Variants in ARFGEF1 observed in about 807,000 individuals in gnomAD.
The protein encoded by ARFGEF1 is brefeldin A-inhibited guanine nucleotide-exchange protein 1.
ARFGEF1 carries 42 observed loss-of-function variants against 231.0 expected under a neutral mutation model. The observed-to-expected ratio is 0.18, with a 90% confidence interval of 0.14 to 0.24. The LOEUF is 0.24. ARFGEF1 is among the 10% of genes least tolerant of loss of function. The pLI, the probability that ARFGEF1 is intolerant of heterozygous loss-of-function variation, is 1.00. For missense variants in ARFGEF1, 1,345 were observed against 2,192.0 expected, an observed-to-expected ratio of 0.61 and a Z score of 7.72; for synonymous variants, 710 against 732.3, an observed-to-expected ratio of 0.97 and a Z score of 0.49.
rs142292202 is a variant in ARFGEF1 at position 67,285,769 on chromosome 8, T to C, written c.1027+2186A>G. On this transcript the variant is annotated intron_variant, in intron 7 of 38. Transcript: ENST00000262215. ...GTATTTTTGCCAAATATATTTAATC[T>C]AAACTAATCATGTAGATGACAATCT... Among the ~76,000 whole-genome samples the C allele has an allele frequency of 4.4e-3, 674 of 152,282 alleles. 9 individuals carry two copies. The highest frequency in any genetic ancestry group is 0.015 in the African/African-American group (641 of 41,540).
At chr8:67,284,625 CAA>C (rs1322445920) in intron 7 of ARFGEF1, among the ~76,000 whole-genome samples, 11 of 152,068 alleles carry the variant, frequency 7.2e-5, no homozygotes, top group Non-Finnish European at 1.5e-4. Context: ...TCTGGGTTTT[CAA>C]TGTAGGAAAC....
At chr8:67,286,155 C>T (rs767609948) in intron 7 of ARFGEF1, among the ~76,000 whole-genome samples, 41 of 152,030 alleles carry the variant, frequency 2.7e-4, no homozygotes, top group Non-Finnish European at 5.1e-4. Context: ...GAGGTATTTA[C>T]GGGAGAAATG....
chr8:67,276,435 T>C (rs980016623), intron 8 of ARFGEF1, among the ~76,000 whole-genome samples: 6 of 152,168 alleles, frequency 3.9e-5, no homozygotes, highest in Admixed American at 1.3e-4. Flanking sequence ...ACCTAAATTA[T>C]ACTCCCTACT....
chr8:67,301,086 T>C (rs1806466941), intron 3 of ARFGEF1, 138 bp downstream of exon 3: 2 of 801,866 alleles, frequency 2.5e-6, no homozygotes, highest in Non-Finnish European at 1.9e-6. Context: ...GTCTTAAATA[T>C]AAAAAATCAC....
intron 17 of ARFGEF1, among the ~76,000 whole-genome samples, chr8:67,255,291 C>T (rs980427327): frequency 6.6e-6 from 1 of 152,214 alleles, no homozygotes; most frequent in African/African-American, 2.4e-5. Flanking sequence ...TTTTATGGAA[C>T]ATTCTACTCT....
intron 18 of ARFGEF1, 105 bp from the exon 19 acceptor site, chr8:67,251,555 C>T: frequency 8.8e-7 from 1 of 1,140,168 alleles, no homozygotes; most frequent in South Asian, 1.9e-5. Context: ...TAAAAGTAAT[C>T]CTAAGAAGCA....
intron 1 of ARFGEF1, among the ~76,000 whole-genome samples, chr8:67,328,822 GAC>G: frequency 6.6e-6 from 1 of 152,184 alleles, no homozygotes; most frequent in Non-Finnish European, 1.5e-5. Context: ...AATCAATGCT[GAC>G]AGAGATTCTG....
intron 5 of ARFGEF1, among the ~76,000 whole-genome samples, chr8:67,188,816 G>A (rs1002747078): frequency 6.6e-6 from 1 of 152,160 alleles, no homozygotes; most frequent in Non-Finnish European, 1.5e-5. Flanking sequence ...CTAAGTGCCC[G>A]GGTTTGTCCT....
intron 22 of ARFGEF1, 141 bp from the exon 23 acceptor site, chr8:67,233,086 A>G (rs1042398763): frequency 5.8e-6 from 4 of 694,770 alleles, no homozygotes; most frequent in Non-Finnish European, 7.2e-6. Flanking sequence ...TTTTGATATC[A>G]GTGACATGAA....
chr8:67,315,952 A>G (rs1056083685), intron 1 of ARFGEF1, among the ~76,000 whole-genome samples: 4 of 151,916 alleles, frequency 2.6e-5, no homozygotes, highest in Admixed American at 6.6e-5. Context: ...AAGCAAGCAG[A>G]AAAAAAAGGA....
chr8:67,223,059 A>T (rs1053528994), intron 29 of ARFGEF1, among the ~76,000 whole-genome samples: 3 of 152,242 alleles, frequency 2.0e-5, no homozygotes, highest in African/African-American at 7.2e-5. Flanking sequence ...CATTGCAGAG[A>T]ACATACTCCT....
intron 7 of ARFGEF1, among the ~76,000 whole-genome samples, chr8:67,277,948 C>T (rs971699153): frequency 1.3e-5 from 2 of 152,156 alleles, no homozygotes; most frequent in South Asian, 2.1e-4. Context: ...GCCCCCTTCC[C>T]GTTTTTAGAA....
chr8:67,184,943 CAAAAAAAAAAAAA>C (rs796384901), intron 5 of ARFGEF1, among the ~76,000 whole-genome samples: 2 of 56,082 alleles, frequency 3.6e-5, no homozygotes, highest in South Asian at 8.7e-4. Context: ...ACTAAAAATA[CAAAAAAAAAAAAA>C]AAAAAAAAAA....
chr8:67,204,810 T>G lies in ARFGEF1; in HGVS notation c.4829A>C (p.Glu1610Ala), dbSNP rs760819223. 6.2e-7 allele frequency: 1 copy of G among 1,613,816 alleles called. No individual in the cohort carries two copies. The highest frequency in any genetic ancestry group is 8.5e-7 in the Non-Finnish European group (1 of 1,179,966). The change falls in exon 35 of 39, where the codon GAA (glutamate) becomes GCA (alanine). Residue 1610 changes from glutamate to alanine, a missense_variant. This residue lies in a region of ARFGEF1 where 161 missense variants were observed against 284.9 expected (regional missense o/e 0.57). Transcript: ENST00000262215. Reference sequence around the variant, plus strand: ...CAACAGGGCAGCAAACAATTTTTGTTCTGGAAATTCTGTGAGGAAACCCCC... The same window carrying G: ...CAACAGGGCAGCAAACAATTTTTGTGCTGGAAATTCTGTGAGGAAACCCCC... ...SKIKSTAKFP[E>A]QKLFAALLIK...
chr8:67,183,495 T>C (rs1226358333), intron 5 of ARFGEF1, among the ~76,000 whole-genome samples: 1 of 152,112 alleles, frequency 6.6e-6, no homozygotes, highest in Non-Finnish European at 1.5e-5. Flanking sequence ...AACAGAAAGA[T>C]AGCTGGAAAA....
chr8:67,223,792 CATGA>C (rs1319368911), intron 29 of ARFGEF1, among the ~76,000 whole-genome samples: 3 of 152,106 alleles, frequency 2.0e-5, no homozygotes, highest in Non-Finnish European at 4.4e-5. Context: ...ACCTGCTAGT[CATGA>C]TATGTCAGCC....
At chr8:67,240,808 T>C (rs898867156) in intron 19 of ARFGEF1, among the ~76,000 whole-genome samples, 2 of 152,212 alleles carry the variant, frequency 1.3e-5, no homozygotes, top group African/African-American at 4.8e-5. Flanking sequence ...AGTTGGACAA[T>C]ATTTAAAAAG....
intron 35 of ARFGEF1, 74 bp from the exon 36 acceptor site, chr8:67,203,325 C>T: frequency 1.3e-6 from 2 of 1,513,280 alleles, no homozygotes; most frequent in Non-Finnish European, 9.0e-7. Flanking sequence ...TCAATGCTCC[C>T]CAAAGACCAG....
At position 67,343,550 on chromosome 8, in the gene ARFGEF1, CG is replaced by C; in HGVS notation, c.-264del. The C allele has an allele frequency of 8.8e-7, 1 of 1,136,152 alleles. No homozygotes were observed. The highest frequency in any genetic ancestry group is 1.1e-6 in the Non-Finnish European group (1 of 926,026). The allele number at this position is 1,136,152 out of a possible 1,614,324, so 70.4% of individuals were successfully genotyped here. ...CGTCGGGCCTCCGCTTCTCCCGGCC[CG>C]GGGGTCGCGTCCCGGCCGCCCCTCT... On this transcript the variant is annotated 5_prime_UTR_variant, in exon 1 of 39. Transcript: ENST00000262215.
Sources: allele counts gnomAD v4.1 joint callset (sites outside exome capture counted in the v4.1 genomes callset), GRCh38; gene constraint gnomAD v4.1.1; regional missense constraint gnomAD v4.1.1; transcripts MANE v1.5; gene names NCBI Gene and HGNC (gene_info 2026-07-23, HGNC 2026-07-21).